FCHSD2: variants seen among roughly 807,000 people sequenced by gnomAD.
FCHSD2 encodes F-BAR and double SH3 domains protein 2.
In FCHSD2, 38 loss-of-function variants were observed where a neutral mutation model predicts 108.1. The ratio of observed to expected loss-of-function variants is 0.35; its 90% CI spans 0.27 to 0.46. FCHSD2 has a LOEUF of 0.46. Ranked by LOEUF, FCHSD2 falls within the 20% of genes least tolerant of loss-of-function variation. FCHSD2 has a pLI of 1.00. For synonymous variants in FCHSD2, 279 were observed against 314.7 expected, an observed-to-expected ratio of 0.89 and a Z score of 1.20; for missense variants, 751 against 897.8, an observed-to-expected ratio of 0.84 and a Z score of 2.09.
chr11:72,921,433 C>T (rs1406300020), intron 9 of FCHSD2, among the ~76,000 whole-genome samples: 8 of 152,168 alleles, frequency 5.3e-5, no homozygotes, highest in Admixed American at 4.6e-4. Flanking sequence ...GTTTTTATAT[C>T]AATTACAAAA....
chr11:73,078,915 T>C (rs1299468601), intron 3 of FCHSD2, among the ~76,000 whole-genome samples: 1 of 152,076 alleles, frequency 6.6e-6, no homozygotes, highest in Admixed American at 6.6e-5. Context: ...AGATGGGGCC[T>C]CATTATGTTG....
intron 3 of FCHSD2, among the ~76,000 whole-genome samples, chr11:73,035,866 G>C (rs915301137): frequency 6.6e-6 from 1 of 151,596 alleles, no homozygotes; most frequent in Non-Finnish European, 1.5e-5. Context: ...GACTACAGGC[G>C]TGCACCACCA....
At chr11:73,097,113 C>T (rs1346692543) in intron 2 of FCHSD2, among the ~76,000 whole-genome samples, 1 of 148,130 alleles carries the variant, frequency 6.8e-6, no homozygotes, top group Non-Finnish European at 1.5e-5. Context: ...AGCAATCCTC[C>T]CACCTCAGCC....
chr11:72,937,241 G>C (rs775015006), intron 8 of FCHSD2, among the ~76,000 whole-genome samples: 1 of 152,160 alleles, frequency 6.6e-6, no homozygotes, highest in African/African-American at 2.4e-5. Flanking sequence ...TCAGAAAAAC[G>C]TATAGATTAG....
chr11:72,953,754 G>A (rs1368456625), intron 8 of FCHSD2, among the ~76,000 whole-genome samples: 2 of 152,194 alleles, frequency 1.3e-5, no homozygotes, highest in East Asian at 1.9e-4. Context: ...TGTAGTCAGG[G>A]AAGGCCTCAC....
At chr11:72,878,487 T>C (rs1591364006) in intron 12 of FCHSD2, among the ~76,000 whole-genome samples, 1 of 152,180 alleles carries the variant, frequency 6.6e-6, no homozygotes, top group Admixed American at 6.6e-5. Flanking sequence ...TCAGAGCTTC[T>C]TGGAGAAACA....
intron 3 of FCHSD2, among the ~76,000 whole-genome samples, chr11:73,062,242 C>T (rs377337117): frequency 2.0e-5 from 3 of 152,172 alleles, no homozygotes; most frequent in African/African-American, 7.2e-5. Flanking sequence ...AACTAACAAA[C>T]AGAAAGGAAT....
chr11:73,019,376 A>G (rs1858047249), intron 3 of FCHSD2, among the ~76,000 whole-genome samples: 1 of 152,198 alleles, frequency 6.6e-6, no homozygotes, highest in Admixed American at 6.5e-5. Flanking sequence ...TACAGTTCGT[A>G]ACTAGTTAGG....
intron 3 of FCHSD2, among the ~76,000 whole-genome samples, chr11:73,058,872 A>T (rs1187218287): frequency 6.6e-6 from 1 of 151,988 alleles, no homozygotes; most frequent in African/African-American, 2.4e-5. Flanking sequence ...CTAGACTTTC[A>T]TTTTCTAACG....
At chr11:72,923,694 C>G (rs1337265826) in intron 8 of FCHSD2, among the ~76,000 whole-genome samples, 1 of 152,106 alleles carries the variant, frequency 6.6e-6, no homozygotes, top group Non-Finnish European at 1.5e-5. Flanking sequence ...GTAATCCCAG[C>G]ACTTTGAGAG....
At chr11:73,124,093 C>G (rs532156469) in intron 2 of FCHSD2, among the ~76,000 whole-genome samples, 1 of 152,080 alleles carries the variant, frequency 6.6e-6, no homozygotes, top group African/African-American at 2.4e-5. Context: ...AAAAAGGATG[C>G]GTTCACGTCC....
At chr11:72,924,679 CT>C (rs200855476) in intron 8 of FCHSD2, among the ~76,000 whole-genome samples, 1,482 of 138,292 alleles carry the variant, frequency 0.011, 6 homozygotes, top group African/African-American at 0.019. Context: ...TTCCATTAAA[CT>C]TTTTTTTTTT....
chr11:72,935,278 C>A (rs908833647), intron 8 of FCHSD2, among the ~76,000 whole-genome samples: 3 of 151,956 alleles, frequency 2.0e-5, no homozygotes, highest in African/African-American at 7.3e-5. Context: ...GATGTAATTT[C>A]CCCTAAAGTA....
At chr11:72,864,414 A>G (rs974421126) in intron 13 of FCHSD2, among the ~76,000 whole-genome samples, 3 of 152,096 alleles carry the variant, frequency 2.0e-5, no homozygotes, top group African/African-American at 7.2e-5. Context: ...GCATGGGGGC[A>G]TGAGCCTGTA....
chr11:72,890,256 T>A (rs1855286400), intron 10 of FCHSD2, among the ~76,000 whole-genome samples: 1 of 152,224 alleles, frequency 6.6e-6, no homozygotes. Context: ...CTAGCTAAGG[T>A]AAGCAAAGAA....
At chr11:72,839,264 T>C (rs1860829204) in intron 19 of FCHSD2, among the ~76,000 whole-genome samples, 1 of 152,100 alleles carries the variant, frequency 6.6e-6, no homozygotes, top group African/African-American at 2.4e-5. Flanking sequence ...TAGGGTTAAG[T>C]TGTGAAGGGC....
At chr11:72,950,964 A>G (rs1477020278) in intron 8 of FCHSD2, among the ~76,000 whole-genome samples, 1 of 152,174 alleles carries the variant, frequency 6.6e-6, no homozygotes, top group Admixed American at 6.5e-5. Context: ...TAAGGACTAG[A>G]TCTTAAGAGA....
At chr11:72,877,132 G>A (rs11603313) in intron 12 of FCHSD2, among the ~76,000 whole-genome samples, 25,018 of 151,668 alleles carry the variant, frequency 0.16, 2,416 homozygotes, top group South Asian at 0.22. Context: ...GACTACAGGC[G>A]TGCACCACCA....
intron 6 of FCHSD2, 148 bp from the exon 7 acceptor site, chr11:72,985,264 G>T (rs569456432): frequency 1.0e-4 from 19 of 183,558 alleles, no homozygotes; most frequent in East Asian, 2.9e-4. Flanking sequence ...CAAGAGTAAT[G>T]ATTATTTTCC....
Sources: allele counts gnomAD v4.1 joint callset (sites outside exome capture counted in the v4.1 genomes callset), GRCh38; gene constraint gnomAD v4.1.1; transcripts MANE v1.5; gene names NCBI Gene and HGNC (gene_info 2026-07-23, HGNC 2026-07-21).